BABAM2: variants seen among roughly 807,000 people sequenced by gnomAD.
BABAM2 encodes BRISC and BRCA1-A complex member 2.
In BABAM2, 31 loss-of-function variants were observed where a neutral mutation model predicts 54.7. That is an observed-to-expected ratio of 0.57 (90% CI 0.43 to 0.77). BABAM2 has a LOEUF of 0.77. BABAM2 is among the 30% of genes least tolerant of loss of function. The probability of loss-of-function intolerance (pLI) is 0.00; values close to 1 mark genes in which losing one functional copy is unlikely to be tolerated. For synonymous variants in BABAM2, 167 were observed against 162.9 expected, an observed-to-expected ratio of 1.03 and a Z score of -0.19; for missense variants, 364 against 455.8, an observed-to-expected ratio of 0.80 and a Z score of 1.83.
At chr2:28,058,688 A>G (rs962371103) in intron 6 of BABAM2, among the ~76,000 whole-genome samples, 8 of 152,148 alleles carry the variant, frequency 5.3e-5, no homozygotes, top group African/African-American at 1.9e-4. Flanking sequence ...GGTGCTACCC[A>G]AAGTGCATCA....
chr2:28,256,625 A>T (rs1247408156), intron 10 of BABAM2, among the ~76,000 whole-genome samples: 1 of 152,058 alleles, frequency 6.6e-6, no homozygotes, highest in African/African-American at 2.4e-5. Flanking sequence ...TTAGTGGAAG[A>T]ATAGGACTAG....
intron 4 of BABAM2, among the ~76,000 whole-genome samples, chr2:28,009,485 A>C (rs984583172): frequency 1.3e-5 from 2 of 152,126 alleles, no homozygotes; most frequent in African/African-American, 4.8e-5. Context: ...AGTTGATGGC[A>C]GTCGAAATTG....
At chr2:27,972,505 A>G (rs931692582) in intron 3 of BABAM2, among the ~76,000 whole-genome samples, 14 of 152,176 alleles carry the variant, frequency 9.2e-5, no homozygotes, top group African/African-American at 2.9e-4. Flanking sequence ...TTTCCTAATC[A>G]GTGTTTCCTG....
chr2:27,940,920 C>A (rs1424052894), intron 3 of BABAM2, among the ~76,000 whole-genome samples: 1 of 152,114 alleles, frequency 6.6e-6, no homozygotes, highest in Non-Finnish European at 1.5e-5. Flanking sequence ...TTCTAACCGC[C>A]CCTCCACCCC....
At chr2:28,020,379 T>C (rs1573405859) in intron 4 of BABAM2, among the ~76,000 whole-genome samples, 1 of 152,226 alleles carries the variant, frequency 6.6e-6, no homozygotes, top group East Asian at 1.9e-4. Flanking sequence ...GCATGTCTTA[T>C]ATATGCATAC....
chr2:27,912,566 TATAG>T lies in BABAM2; in HGVS notation c.129-17265_129-17262del, dbSNP rs201024889. ...TATAGTTCAAATGGAAGATTGGAAT[TATAG>T]GTAGATTGGCAGGAATTCAGGACGC... On this transcript the variant is annotated intron_variant, in intron 2 of 11. Transcript: ENST00000379624. 7.5e-3 allele frequency among the ~76,000 whole-genome samples: 1,143 copies of T among 152,272 alleles called. 8 individuals are homozygous for T. The highest frequency in any genetic ancestry group is 0.025 in the African/African-American group (1,051 of 41,546).
At chr2:28,109,184 CTTTTTT>C (rs764380110) in intron 6 of BABAM2, among the ~76,000 whole-genome samples, 1 of 101,910 alleles carries the variant, frequency 9.8e-6, no homozygotes, top group East Asian at 2.2e-4. Context: ...GACACATACT[CTTTTTT>C]TTTTTTTTTT....
intron 7 of BABAM2, among the ~76,000 whole-genome samples, chr2:28,224,217 A>AT (rs1680667077): frequency 6.6e-6 from 1 of 152,248 alleles, no homozygotes; most frequent in African/African-American, 2.4e-5. Context: ...TTGATGATGA[A>AT]TATTAGAAAC....
intron 4 of BABAM2, among the ~76,000 whole-genome samples, chr2:27,997,211 T>A (rs1673219177): frequency 6.6e-6 from 1 of 152,192 alleles, no homozygotes; most frequent in African/African-American, 2.4e-5. Flanking sequence ...CCAATATATA[T>A]ATTCCTAAGG....
At chr2:28,048,923 A>AT (rs1220419617) in intron 6 of BABAM2, among the ~76,000 whole-genome samples, 1 of 152,128 alleles carries the variant, frequency 6.6e-6, no homozygotes, top group Non-Finnish European at 1.5e-5. Flanking sequence ...TCCTGTCTTT[A>AT]TTTTTGTCCT....
At chr2:28,246,748 A>G (rs996273677) in intron 10 of BABAM2, among the ~76,000 whole-genome samples, 17 of 152,214 alleles carry the variant, frequency 1.1e-4, no homozygotes, top group African/African-American at 3.6e-4. Flanking sequence ...GCATTGCTCA[A>G]TTATAACCTA....
intron 5 of BABAM2, among the ~76,000 whole-genome samples, chr2:28,026,850 A>ATT (rs1491227675): frequency 2.5e-5 from 1 of 39,924 alleles, no homozygotes; most frequent in South Asian, 9.3e-4. Context: ...ATAAATATAT[A>ATT]TTTATATATA....
At chr2:28,058,626 G>A (rs1180090043) in intron 6 of BABAM2, among the ~76,000 whole-genome samples, 1 of 151,796 alleles carries the variant, frequency 6.6e-6, no homozygotes, top group Non-Finnish European at 1.5e-5. Flanking sequence ...ACTTAACTCA[G>A]TGATTAACCT....
intron 6 of BABAM2, among the ~76,000 whole-genome samples, chr2:28,111,243 A>C (rs1667996351): frequency 6.6e-6 from 1 of 151,720 alleles, no homozygotes; most frequent in Admixed American, 6.6e-5. Context: ...GGCCTCCCAA[A>C]ATTCTGGGAT....
intron 7 of BABAM2, among the ~76,000 whole-genome samples, chr2:28,207,730 A>T (rs920234190): frequency 6.6e-6 from 1 of 152,218 alleles, no homozygotes; most frequent in African/African-American, 2.4e-5. Flanking sequence ...ATTTTTGTGA[A>T]CATTTTGATG....
chr2:28,098,038 G>A (rs1478992399), intron 6 of BABAM2, among the ~76,000 whole-genome samples: 1 of 152,112 alleles, frequency 6.6e-6, no homozygotes, highest in Non-Finnish European at 1.5e-5. Flanking sequence ...TAACTTTGGT[G>A]TTTTTCCTTT....
In BABAM2 at chr2:28,110,665, A is replaced by C. The variant is rs192201988; in HGVS notation, c.571-18606A>C. On this transcript the variant is annotated intron_variant, in intron 6 of 11. Transcript: ENST00000379624. ...ATAAAATAAAATAAAATAAAAAAAC[A>C]CAGGTGTGCAGATAGCTCTTTAGGA... Among the ~76,000 whole-genome samples, 428 of 152,126 alleles carry C rather than the reference A, an allele frequency of 2.8e-3. 9 individuals carry two copies. Among genetic ancestry groups the C allele is most frequent in the Non-Finnish European group, 9.9e-4 (67 of 67,984 alleles).
At chr2:28,074,622 T>G (rs906001890) in intron 6 of BABAM2, among the ~76,000 whole-genome samples, 3 of 152,206 alleles carry the variant, frequency 2.0e-5, no homozygotes, top group Non-Finnish European at 4.4e-5. Flanking sequence ...TATTATACTG[T>G]TGATAAATTT....
intron 3 of BABAM2, among the ~76,000 whole-genome samples, chr2:27,972,274 C>T (rs78695827): frequency 0.014 from 2,087 of 152,188 alleles, 55 homozygotes; most frequent in African/African-American, 0.047. Flanking sequence ...TGGGGACTAT[C>T]GTGTAGAATA....
Sources: allele counts gnomAD v4.1 joint callset (sites outside exome capture counted in the v4.1 genomes callset), GRCh38; gene constraint gnomAD v4.1.1; transcripts MANE v1.5; gene names NCBI Gene and HGNC (gene_info 2026-07-23, HGNC 2026-07-21).